SLC25A20: variants seen among roughly 807,000 people sequenced by gnomAD.
SLC25A20 encodes the protein mitochondrial carnitine/acylcarnitine carrier protein.
SLC25A20 carries 29 observed loss-of-function variants against 39.7 expected under a neutral mutation model. The observed-to-expected ratio is 0.73, with a 90% CI of 0.54 to 1.00. The LOEUF is 1.00. Among genes scored for constraint, SLC25A20 ranks in the 50% least tolerant of loss-of-function variants. The pLI, the probability that SLC25A20 is intolerant of heterozygous loss-of-function variation, is 0.00. For synonymous variants in SLC25A20, 103 were observed against 142.2 expected (o/e 0.72, Z 1.96); for missense variants, 333 against 379.9 (o/e 0.88, Z 1.03).
chr3:48,898,541 G>C (rs1193468337), intron 1 of SLC25A20, 149 bp downstream of exon 1: 1 of 809,480 alleles, frequency 1.2e-6, no homozygotes. Flanking sequence ...ACAGCTTCCT[G>C]CCCACCCCTG....
intron 1 of SLC25A20, among the ~76,000 whole-genome samples, chr3:48,892,762 C>A (rs925527104): frequency 6.6e-6 from 1 of 152,060 alleles, no homozygotes; most frequent in Non-Finnish European, 1.5e-5. Context: ...TGTTAATATC[C>A]AAAACCACCC....
intron 1 of SLC25A20, chr3:48,895,888 C>T (rs2083906525): frequency 4.6e-6 from 2 of 432,774 alleles, no homozygotes; most frequent in African/African-American, 2.0e-5. Context: ...ACCTATAATC[C>T]CAGCACTTCA....
At chr3:48,890,686 G>A (rs1413325744) in intron 2 of SLC25A20, among the ~76,000 whole-genome samples, 12 of 119,012 alleles carry the variant, frequency 1.0e-4, no homozygotes, top group Middle Eastern at 6.3e-3. Flanking sequence ...ATAGAGTCTC[G>A]CTTTGTCGCC....
chr3:48,883,007 G>A (rs754974427), intron 3 of SLC25A20, among the ~76,000 whole-genome samples: 31 of 143,068 alleles, frequency 2.2e-4, no homozygotes, highest in Non-Finnish European at 4.4e-4. Flanking sequence ...CTAACACGGC[G>A]AAACCCCGTC....
In SLC25A20 at chr3:48,857,591, G is replaced by T; in HGVS notation, c.*119C>A. 1 of 863,456 alleles carries T rather than the reference G, an allele frequency of 1.2e-6. No individual in the cohort carries two copies. The highest frequency in any genetic ancestry group is 1.9e-6 in the Non-Finnish European group (1 of 517,464). 53.5% of individuals were successfully genotyped at this position (863,456 alleles called of 1,614,324 possible). On this transcript the variant is annotated 3_prime_UTR_variant, in exon 9 of 9. Transcript: ENST00000319017. ...ACAGTCTCACCAAGTCCATGCACAG[G>T]GCTCGGATCTCACCATTCCCCTCCC...
intron 4 of SLC25A20, among the ~76,000 whole-genome samples, chr3:48,863,984 C>T (rs2083646438): frequency 6.6e-6 from 1 of 151,560 alleles, no homozygotes; most frequent in Non-Finnish European, 1.5e-5. Context: ...CACTGCACAC[C>T]AGCCTGGGAG....
At position 48,891,527 on chromosome 3, in the gene SLC25A20, A is replaced by G. The variant is rs944716169; in HGVS notation, c.198+453T>C. ...GGACTACAGATGTACATGCGCTACC[A>G]TGCCCCTCTAATTTTTGCATTTTTT... On this transcript the variant is annotated intron_variant, in intron 2 of 8. Transcript: ENST00000319017. Among the ~76,000 whole-genome samples, 6 of 151,980 alleles carry G rather than the reference A, an allele frequency of 3.9e-5. No individual in the cohort carries two copies. The South Asian group carries it at 1.3e-3, about 32-fold the overall frequency.
chr3:48,897,682 C>T (rs908501607), intron 1 of SLC25A20, among the ~76,000 whole-genome samples: 5 of 152,016 alleles, frequency 3.3e-5, no homozygotes, highest in Non-Finnish European at 7.4e-5. Context: ...GAGCTTGCTG[C>T]CCAAGCTGGC....
intron 6 of SLC25A20, 37 bp downstream of exon 6, chr3:48,859,518 A>G (rs771832704): frequency 6.4e-7 from 1 of 1,555,772 alleles, no homozygotes; most frequent in South Asian, 1.1e-5. Context: ...CGCACCCATG[A>G]CTGGGGAAAG....
At chr3:48,886,478 G>A (rs574452417) in intron 2 of SLC25A20, among the ~76,000 whole-genome samples, 73 of 152,012 alleles carry the variant, frequency 4.8e-4, no homozygotes, top group Non-Finnish European at 9.6e-4. Flanking sequence ...AGCCGAGATC[G>A]CGCCATTGCA....
chr3:48,862,291 A>G (rs2083634135), intron 5 of SLC25A20, among the ~76,000 whole-genome samples: 1 of 152,154 alleles, frequency 6.6e-6, no homozygotes, highest in South Asian at 2.1e-4. Context: ...GATGATTTCT[A>G]TCTACTTGCC....
chr3:48,866,405 T>A (rs1298096997), intron 4 of SLC25A20, among the ~76,000 whole-genome samples: 1 of 151,070 alleles, frequency 6.6e-6, no homozygotes, highest in Non-Finnish European at 1.5e-5. Flanking sequence ...AGTACAAAAA[T>A]TAGCAGGGCG....
Position 48,888,209 on chromosome 3 carries a change from A to T in SLC25A20, c.198+3771T>A, listed in dbSNP as rs1167118497. On this transcript the variant is annotated intron_variant, in intron 2 of 8. Coordinates refer to ENST00000319017, the MANE Select transcript of SLC25A20 (RefSeq NM_000387.6). ...GTGGCAGAACAAGACTCCATCTCGA[A>T]AAAAAAAAAAAAAAAAAAAAGAAGG... 4.8e-5 allele frequency among the ~76,000 whole-genome samples: 7 copies of T among 145,570 alleles called. No individual in the cohort carries two copies. In the South Asian group the frequency reaches 1.5e-3, roughly 32 times the overall value.
chr3:48,897,942 T>TG (rs1472374597), intron 1 of SLC25A20, among the ~76,000 whole-genome samples: 8 of 152,160 alleles, frequency 5.3e-5, no homozygotes, highest in Non-Finnish European at 1.0e-4. Context: ...ATGAAGGTGT[T>TG]GCAAGGGGAA....
intron 4 of SLC25A20, among the ~76,000 whole-genome samples, chr3:48,877,890 C>T (rs921793121): frequency 5.3e-5 from 8 of 152,074 alleles, no homozygotes; most frequent in Non-Finnish European, 8.8e-5. Context: ...CAGGCTGACG[C>T]GTTACACTTG....
intron 5 of SLC25A20, among the ~76,000 whole-genome samples, chr3:48,861,835 C>G (rs1398256887): frequency 6.6e-6 from 1 of 151,384 alleles, no homozygotes; most frequent in Non-Finnish European, 1.5e-5. Context: ...GAGACCAGCC[C>G]GGCCAACATG....
At chr3:48,880,574 CTTTTTTTTTT>C (rs35306259) in intron 3 of SLC25A20, among the ~76,000 whole-genome samples, 1 of 73,094 alleles carries the variant, frequency 1.4e-5, no homozygotes, top group African/African-American at 5.6e-5. Flanking sequence ...CTGTGCCCGG[CTTTTTTTTTT>C]TTTTTTTTTT....
chr3:48,889,640 G>T (rs1451433560), intron 2 of SLC25A20, among the ~76,000 whole-genome samples: 1 of 151,986 alleles, frequency 6.6e-6, no homozygotes, highest in Non-Finnish European at 1.5e-5. Flanking sequence ...GGAGTGCAAT[G>T]GTGCAGTCTC....
intron 2 of SLC25A20, among the ~76,000 whole-genome samples, chr3:48,884,638 C>T (rs2083817890): frequency 6.6e-6 from 1 of 152,184 alleles, no homozygotes; most frequent in Admixed American, 6.5e-5. Context: ...GCATAAGCCA[C>T]TGCACCCGGC....
Sources: gnomAD v4.1 joint callset for allele counts (sites outside exome capture counted in the v4.1 genomes callset) on GRCh38, gnomAD v4.1.1 for gene constraint, MANE v1.5 for transcripts, NCBI Gene and HGNC (gene_info 2026-07-23, HGNC 2026-07-21) for gene names.